Variants in ERGIC1 observed in about 807,000 individuals in gnomAD.
The protein encoded by ERGIC1 is endoplasmic reticulum-golgi intermediate compartment 1.
In ERGIC1, 19 loss-of-function variants were observed where a neutral mutation model predicts 38.3. The ratio of observed to expected loss-of-function variants is 0.50; its 90% CI spans 0.35 to 0.73. The LOEUF (loss-of-function observed/expected upper bound fraction) is 0.73. Ranked by LOEUF, ERGIC1 falls within the 30% of genes least tolerant of loss-of-function variation. The probability of loss-of-function intolerance (pLI) is 0.01; values close to 1 mark genes in which losing one functional copy is unlikely to be tolerated. For synonymous variants in ERGIC1, 124 were observed against 157.6 expected (o/e 0.79, Z 1.60); for missense variants, 294 against 389.2 (o/e 0.76, Z 2.06).
At chr5:172,901,234 G>A (rs986139637) in intron 3 of ERGIC1, among the ~76,000 whole-genome samples, 2 of 152,204 alleles carry the variant, frequency 1.3e-5, no homozygotes, top group Non-Finnish European at 2.9e-5. Flanking sequence ...TTCTGGCCTG[G>A]GCCTGGTGGG....
intron 1 of ERGIC1, among the ~76,000 whole-genome samples, chr5:172,859,077 G>A (rs1055003241): frequency 2.0e-5 from 3 of 152,154 alleles, no homozygotes; most frequent in African/African-American, 7.2e-5. Flanking sequence ...ACCGGGGAGG[G>A]CTCTGCTCCC....
intron 2 of ERGIC1, among the ~76,000 whole-genome samples, chr5:172,894,444 T>A (rs1429041588): frequency 6.6e-6 from 1 of 152,004 alleles, no homozygotes; most frequent in Admixed American, 6.6e-5. Context: ...TCCGCCCGCC[T>A]CGGCCTCCCA....
At chr5:172,879,374 G>A (rs1395749527) in intron 1 of ERGIC1, among the ~76,000 whole-genome samples, 1 of 152,176 alleles carries the variant, frequency 6.6e-6, no homozygotes, top group Non-Finnish European at 1.5e-5. Context: ...GAAATCCTAT[G>A]TTCTCATTGA....
intron 1 of ERGIC1, among the ~76,000 whole-genome samples, chr5:172,857,232 G>T (rs1384638787): frequency 1.3e-5 from 2 of 152,168 alleles, no homozygotes; most frequent in Non-Finnish European, 2.9e-5. Context: ...TCACAGGGCT[G>T]TTGTGAGGAT....
chr5:172,897,114 T>C (rs1422701874), intron 3 of ERGIC1, 40 bp downstream of exon 3: 13 of 1,597,258 alleles, frequency 8.1e-6, no homozygotes, highest in Non-Finnish European at 1.1e-5. Context: ...CAGGATGTTC[T>C]GGGACCCCAG....
Position 172,834,473 on chromosome 5 carries a change from C to T in ERGIC1, c.20+40C>T. 2 of 1,299,266 alleles carry T rather than the reference C, an allele frequency of 1.5e-6. No individual in the cohort carries two copies. The highest frequency in any genetic ancestry group is 2.2e-5 in the South Asian group (1 of 44,502). 80.5% of individuals were successfully genotyped at this position (1,299,266 alleles called of 1,614,324 possible). On this transcript the variant is annotated intron_variant, in intron 1 of 9. Transcript: ENST00000393784. The surrounding 1 kb of genome is among the most constrained non-coding windows in gnomAD (Gnocchi z 4.1). ...CCCGGCCAGTCGGGAGTTCCCTCAGCGGGCAGAGGGAGCGCCCCGGCACGC... is the reference window on the plus strand; with the variant it reads ...CCCGGCCAGTCGGGAGTTCCCTCAGTGGGCAGAGGGAGCGCCCCGGCACGC...
chr5:172,934,922 A>T, intron 8 of ERGIC1: 1 of 484,558 alleles, frequency 2.1e-6, no homozygotes, highest in South Asian at 2.6e-5. Context: ...CTGCTTTCTA[A>T]TTTATTTTCT....
chr5:172,872,318 G>A (rs543635940), intron 1 of ERGIC1, among the ~76,000 whole-genome samples: 2 of 152,336 alleles, frequency 1.3e-5, no homozygotes, highest in East Asian at 3.9e-4. Context: ...TGAAGCTAGT[G>A]TTTATACCTT....
chr5:172,920,077 T>C (rs2113436747), intron 5 of ERGIC1, among the ~76,000 whole-genome samples: 1 of 152,268 alleles, frequency 6.6e-6, no homozygotes, highest in South Asian at 2.1e-4. Context: ...GCTCACTGCC[T>C]GTGGCTGCTT....
chr5:172,914,619 C>T, intron 4 of ERGIC1, 95 bp from the exon 5 acceptor site: 1 of 1,607,494 alleles, frequency 6.2e-7, no homozygotes, highest in Non-Finnish European at 8.5e-7. Context: ...CCTGCCCCTG[C>T]AATGGATGAA....
intron 1 of ERGIC1, among the ~76,000 whole-genome samples, chr5:172,840,608 G>T (rs981510085): frequency 1.3e-5 from 2 of 152,144 alleles, no homozygotes. Flanking sequence ...GCCTTGCCTC[G>T]GGAGGCTGGG....
chr5:172,853,301 C>G (rs554531367), intron 1 of ERGIC1, among the ~76,000 whole-genome samples: 1 of 152,284 alleles, frequency 6.6e-6, no homozygotes, highest in East Asian at 1.9e-4. Context: ...CCCATTGCGG[C>G]CCCCATCGTG....
intron 3 of ERGIC1, among the ~76,000 whole-genome samples, chr5:172,898,794 C>T (rs1387694103): frequency 2.0e-5 from 3 of 152,058 alleles, no homozygotes; most frequent in Admixed American, 1.3e-4. Context: ...ATGCAGGGTT[C>T]GAAGAAGGGG....
rs905916225 is a variant in ERGIC1 at position 172,906,622 on chromosome 5, C to T, written c.156-3045C>T. 1.1e-4 allele frequency among the ~76,000 whole-genome samples: 16 copies of T among 152,304 alleles called. 1 individual carries two copies. Among genetic ancestry groups the T allele is most frequent in the Admixed American group, 8.5e-4 (13 of 15,298 alleles). On this transcript the variant is annotated intron_variant, in intron 3 of 9. Transcript: ENST00000393784. ...CTTAGTAAAAACGAAATTCCTTTGC[C>T]TTGGTCTGACTCATTCTTTCCCTAA...
chr5:172,919,757 T>C (rs1763462374), intron 5 of ERGIC1, among the ~76,000 whole-genome samples: 1 of 152,188 alleles, frequency 6.6e-6, no homozygotes, highest in Non-Finnish European at 1.5e-5. Flanking sequence ...AAAGTTTCCA[T>C]GACCTCATCA....
At chr5:172,887,096 C>T (rs1418186279) in intron 1 of ERGIC1, among the ~76,000 whole-genome samples, 3 of 152,186 alleles carry the variant, frequency 2.0e-5, no homozygotes, top group Non-Finnish European at 2.9e-5. Context: ...GCATGTTTCA[C>T]GTGTAATTAG....
chr5:172,890,405 G>A (rs571298695), intron 2 of ERGIC1, among the ~76,000 whole-genome samples: 6 of 152,210 alleles, frequency 3.9e-5, no homozygotes, highest in Non-Finnish European at 7.3e-5. Flanking sequence ...TCTGGAGTTT[G>A]TGGGAAAACT....
At chr5:172,907,832 AG>A (rs1763074296) in intron 3 of ERGIC1, among the ~76,000 whole-genome samples, 1 of 152,146 alleles carries the variant, frequency 6.6e-6, no homozygotes, top group African/African-American at 2.4e-5. Context: ...CAGCATATTT[AG>A]GGGCTGAGTG....
At position 172,932,524 on chromosome 5, in the gene ERGIC1, G is replaced by T. The variant is rs762430816; in HGVS notation, c.630G>T (p.Thr210=). 1.9e-6 allele frequency: 3 copies of T among 1,614,066 alleles called. No individual in the cohort carries two copies. Among genetic ancestry groups the T allele is most frequent in the Admixed American group, 3.3e-5 (2 of 60,020 alleles). ...SGKQRYSYQY[T]VANKEYVAYS... ...AGCAGCGGTACTCCTACCAGTACAC[G>T]GTGGCCAACAAGGTGCGCGGGCGGT... Residue 210 remains threonine (T), a synonymous_variant, in exon 8 of 10, where the codon ACG becomes ACT. Coordinates refer to ENST00000393784, the MANE Select transcript of ERGIC1 (RefSeq NM_001031711.3).
Sources: allele counts gnomAD v4.1 joint callset (sites outside exome capture counted in the v4.1 genomes callset), GRCh38; gene constraint gnomAD v4.1.1; non-coding constraint Gnocchi (gnomAD v3.1); transcripts MANE v1.5; gene names NCBI Gene and HGNC (gene_info 2026-07-23, HGNC 2026-07-21).